The following VIPR1 variants were observed in gnomAD, a reference collection of about 807,000 sequenced individuals.
VIPR1 encodes the protein vasoactive intestinal peptide receptor 1.
In VIPR1, 59 loss-of-function variants were observed where a neutral mutation model predicts 58.8. The observed-to-expected ratio is 1.00, with a 90% CI of 0.81 to 1.25. The LOEUF (loss-of-function observed/expected upper bound fraction) is 1.25, where lower values mean the gene tolerates loss of function less well. Among genes scored for constraint, VIPR1 ranks in the 50% most tolerant of loss-of-function variants. The pLI, the probability that VIPR1 is intolerant of heterozygous loss-of-function variation, is 0.00. For synonymous variants in VIPR1, 251 were observed against 242.1 expected, an observed-to-expected ratio of 1.04 and a Z score of -0.34; for missense variants, 626 against 602.7, an observed-to-expected ratio of 1.04 and a Z score of -0.40.
At position 42,525,952 on chromosome 3, in the gene VIPR1, A is replaced by G. The variant is rs780364312; in HGVS notation, c.358A>G (p.Ile120Val). ...WTHLEPGPYP[I>V]ACGLDDKAAS... is the part of the protein sequence containing the mutation. ...GCACCTGGAGCCTGGCCCGTACCCC[A>G]TTGCCTGTGGTTTGGATGACAAGGC... Residue 120 changes from isoleucine to valine, a missense_variant, in exon 4 of 13, where the codon ATT becomes GTT. Transcript: ENST00000325123. The G allele has an allele frequency of 2.0e-5, 32 of 1,613,488 alleles. No homozygotes were observed. Among genetic ancestry groups the G allele is most frequent in the Non-Finnish European group, 2.5e-5 (29 of 1,179,836 alleles).
At chr3:42,526,996 G>C (rs1015318987) in intron 4 of VIPR1, among the ~76,000 whole-genome samples, 2 of 152,108 alleles carry the variant, frequency 1.3e-5, no homozygotes, top group African/African-American at 4.8e-5. Flanking sequence ...GGCCTCGAGG[G>C]GTGTCTGAAG....
intron 3 of VIPR1, among the ~76,000 whole-genome samples, chr3:42,520,690 G>A (rs1227060851): frequency 2.0e-5 from 3 of 152,090 alleles, no homozygotes; most frequent in African/African-American, 7.2e-5. Flanking sequence ...TAATTATTCA[G>A]AGAGCGAACA....
rs1344149850 is a variant in VIPR1 at position 42,530,789 on chromosome 3, A to G, written c.647A>G (p.Lys216Arg). 1.2e-6 allele frequency: 2 copies of G among 1,613,974 alleles called. No individual in the cohort carries two copies. Among genetic ancestry groups the G allele is most frequent in the Admixed American group, 1.7e-5 (1 of 59,998 alleles). ...CTCCTCCCCCTGCAGGTGGGCTGTA[A>G]GGCAGCCATGGTCTTTTTCCAATAT... is the stretch of plus-strand genomic sequence containing the variant. ...DQCSEGSVGC[K>R]AAMVFFQYCV... Residue 216 changes from lysine to arginine, a missense_variant, in exon 7 of 13, where the codon AAG becomes AGG. Physicochemically the swap from Lys to Arg is conservative, Grantham distance 26. Coordinates refer to ENST00000325123, the MANE Select transcript of VIPR1 (RefSeq NM_004624.4).
At position 42,536,605 on chromosome 3, in the gene VIPR1, C is replaced by G; in HGVS notation, c.*324C>G. 4.0e-6 allele frequency: 1 copy of G among 251,498 alleles called. No homozygotes were observed. The highest frequency in any genetic ancestry group is 7.5e-6 in the Non-Finnish European group (1 of 133,564). The allele number at this position is 251,498 out of a possible 1,614,324, so 15.6% of individuals were successfully genotyped here. ...ACATACTTTCATCCTGACTCTGCCC[C>G]CTGCTGGCTCTTCTGCCCAATTGGA... On this transcript the variant is annotated 3_prime_UTR_variant, in exon 13 of 13. Transcript: ENST00000325123.
intron 1 of VIPR1, chr3:42,512,845 C>T (rs1392074429): frequency 2.1e-5 from 21 of 985,376 alleles, no homozygotes; most frequent in Admixed American, 6.1e-5. Context: ...AACGCTTCCT[C>T]CATGGAGGCC....
In VIPR1 at chr3:42,535,037, C is replaced by T. The variant is rs772713504; in HGVS notation, c.1073C>T (p.Ala358Val). ...TTTGGAGTACACTACATCATGTTCG[C>T]CTTCTTTCCGGACAATTTTAAGCCT... ...PLFGVHYIMF[A>V]FFPDNFKPEV... The change falls in exon 11 of 13, where the codon GCC becomes GTC. Residue 358 changes from alanine to valine, a missense_variant. Transcript: ENST00000325123. The T allele has an allele frequency of 3.7e-6, 6 of 1,614,078 alleles. No homozygotes were observed. The Admixed American group carries it at 1.0e-4, about 27-fold the overall frequency.
chr3:42,532,009 C>A (rs1701585136), intron 9 of VIPR1, 140 bp downstream of exon 9: 5 of 1,019,220 alleles, frequency 4.9e-6, no homozygotes, highest in Non-Finnish European at 4.4e-6. Context: ...ATCATCCCCA[C>A]CCCTGTCCTA....
Position 42,536,283 on chromosome 3 carries a change from C to A in VIPR1, c.*2C>A. On this transcript the variant is annotated 3_prime_UTR_variant, in exon 13 of 13. Coordinates refer to ENST00000325123, the MANE Select transcript of VIPR1 (RefSeq NM_004624.4). Reference sequence around the variant, plus strand: ...CAAGCCGAAGTCTCCCTGGTCTGACCACCAGGATCCCAGGGGCCCAAGGCG... The same window carrying A: ...CAAGCCGAAGTCTCCCTGGTCTGACAACCAGGATCCCAGGGGCCCAAGGCG... The A allele has an allele frequency of 6.5e-7, 1 of 1,545,566 alleles. No homozygotes were observed. Among genetic ancestry groups the A allele is most frequent in the Non-Finnish European group, 8.7e-7 (1 of 1,152,054 alleles).
chr3:42,504,163 T>A (rs1207668110), intron 1 of VIPR1, among the ~76,000 whole-genome samples: 4 of 152,102 alleles, frequency 2.6e-5, no homozygotes, highest in African/African-American at 9.7e-5. Flanking sequence ...CCAACCACCA[T>A]CTGGCCCTCC....
upstream of VIPR1, chr3:42,502,568 C>A: frequency 4.5e-6 from 2 of 446,490 alleles, no homozygotes; most frequent in Non-Finnish European, 7.1e-6. Flanking sequence ...ATCCGCCGCC[C>A]GTCAGACGAG....
intron 1 of VIPR1, among the ~76,000 whole-genome samples, chr3:42,491,317 A>G (rs530028665): frequency 1.9e-4 from 29 of 152,314 alleles, no homozygotes; most frequent in Admixed American, 2.6e-4. Flanking sequence ...CTATTAAGGA[A>G]TTTTGGTATT....
upstream of VIPR1, chr3:42,502,466 A>G: frequency 3.0e-6 from 1 of 334,668 alleles, no homozygotes; most frequent in Non-Finnish European, 5.4e-6. Flanking sequence ...TGGGATTGGC[A>G]AAGAGAGAGC....
chr3:42,525,740 TG>T, intron 3 of VIPR1, 146 bp from the exon 4 acceptor site: 1 of 779,010 alleles, frequency 1.3e-6, no homozygotes, highest in Non-Finnish European at 2.0e-6. Context: ...CACGGTGCCC[TG>T]GGTAACTGGG....
At chr3:42,530,296 G>A (rs973912547) in intron 6 of VIPR1, 2 of 167,354 alleles carry the variant, frequency 1.2e-5, no homozygotes, top group African/African-American at 4.8e-5. Context: ...TGATGGGTGG[G>A]TGCAGAGATG....
At chr3:42,499,697 C>G (rs1699830209), upstream of VIPR1, among the ~76,000 whole-genome samples, 1 of 152,142 alleles carries the variant, frequency 6.6e-6, no homozygotes, top group South Asian at 2.1e-4. Flanking sequence ...GGGGCTTAGG[C>G]TTTGGACAGG....
intron 1 of VIPR1, chr3:42,511,881 G>A (rs1459138318): frequency 6.6e-6 from 1 of 152,186 alleles, no homozygotes; most frequent in Non-Finnish European, 1.5e-5. Context: ...TTGAGACAGA[G>A]TGTCTTGAGC....
chr3:42,535,970 C>G, intron 12 of VIPR1, 120 bp from the exon 13 acceptor site: 2 of 1,256,790 alleles, frequency 1.6e-6, no homozygotes, highest in Non-Finnish European at 2.2e-6. Context: ...AGGGGTCCCT[C>G]CATTTTGATT....
Position 42,537,461 on chromosome 3 carries a change from T to TC in VIPR1, c.*1181dup, listed in dbSNP as rs1246338865. 3.9e-5 allele frequency: 6 copies of TC among 152,264 alleles called. No homozygotes were observed. The highest frequency in any genetic ancestry group is 1.4e-4 in the African/African-American group (6 of 41,458). 9.4% of individuals were successfully genotyped at this position (152,264 alleles called of 1,614,324 possible). A position where few individuals can be genotyped will look rare whatever the true frequency, so the allele number is the denominator to read the frequency against. ...TAGGAGCCTGCTGGTCACAGCCTCC[T>TC]CTGTCTGCCCTTCACCCCAGTGGCC... is the stretch of plus-strand genomic sequence containing the variant. On this transcript the variant is annotated 3_prime_UTR_variant, in exon 13 of 13. Coordinates refer to ENST00000325123, the MANE Select transcript of VIPR1 (RefSeq NM_004624.4).
chr3:42,500,575 G>A (rs899148910), upstream of VIPR1, among the ~76,000 whole-genome samples: 1 of 152,146 alleles, frequency 6.6e-6, no homozygotes, highest in African/African-American at 2.4e-5. Context: ...CAAACCCACA[G>A]GTTTGCTCTT....
Sources: gnomAD v4.1 joint callset for allele counts (sites outside exome capture counted in the v4.1 genomes callset) on GRCh38, gnomAD v4.1.1 for gene constraint, MANE v1.5 for transcripts, NCBI Gene and HGNC (gene_info 2026-07-23, HGNC 2026-07-21) for gene names.